Variants in NDUFAF6 observed in about 807,000 individuals in gnomAD.
NDUFAF6 encodes NADH:ubiquinone oxidoreductase complex assembly factor 6.
NDUFAF6 carries 45 observed loss-of-function variants against 40.8 expected under a neutral mutation model. The ratio of observed to expected loss-of-function variants is 1.10; its 90% confidence interval spans 0.87 to 1.42. The LOEUF (loss-of-function observed/expected upper bound fraction) is 1.42, where lower values mean the gene tolerates loss of function less well. Ranked by LOEUF, NDUFAF6 falls within the 40% of genes most tolerant of loss-of-function variation. The pLI is 0.00. For missense variants in NDUFAF6, 435 were observed against 418.5 expected (o/e 1.04, Z -0.34); for synonymous variants, 185 against 155.9 (o/e 1.19, Z -1.39).
chr8:95,008,854 C>T (rs778354528), intron 2 of NDUFAF6, among the ~76,000 whole-genome samples: 1 of 152,116 alleles, frequency 6.6e-6, no homozygotes, highest in African/African-American at 2.4e-5. Flanking sequence ...TTTTCACTGA[C>T]GTTCCATTTC....
At chr8:95,029,824 A>G (rs1400820539) in intron 1 of NDUFAF6, among the ~76,000 whole-genome samples, 1 of 152,234 alleles carries the variant, frequency 6.6e-6, no homozygotes, top group Non-Finnish European at 1.5e-5. Context: ...CAGGCAGCAC[A>G]TGACATTGAT....
rs1231543138 is a variant in NDUFAF6, at chr8:94,924,048, T to C, written c.-935-21435T>C. On this transcript the variant is annotated intron_variant, in intron 1 of 14. Transcript: ENST00000396113. The stretch of plus-strand genomic sequence containing the variant: ...AATCAAATCAAGCAGTTCATAAAGC[T>C]CTTCCTCAGTTTTGTTTTGTTTTGT... 4.6e-4 allele frequency among the ~76,000 whole-genome samples: 69 copies of C among 151,532 alleles called. 2 individuals carry two copies. Among genetic ancestry groups the C allele is most frequent in the Admixed American group, 4.5e-3 (68 of 15,210 alleles).
intron 4 of NDUFAF6, among the ~76,000 whole-genome samples, chr8:95,111,578 T>C (rs962618419): frequency 6.6e-6 from 1 of 152,118 alleles, no homozygotes; most frequent in Non-Finnish European, 1.5e-5. Flanking sequence ...CTCGTGTAGG[T>C]AGTGCCTTGG....
intron 4 of NDUFAF6, among the ~76,000 whole-genome samples, chr8:95,109,167 G>T (rs1262368642): frequency 2.0e-5 from 3 of 152,160 alleles, no homozygotes; most frequent in African/African-American, 7.2e-5. Flanking sequence ...TCCCCCCAAA[G>T]CTTCTCAGCT....
intron 4 of NDUFAF6, among the ~76,000 whole-genome samples, chr8:95,042,377 T>G (rs1830242558): frequency 6.6e-6 from 1 of 152,222 alleles, no homozygotes; most frequent in South Asian, 2.1e-4. Context: ...AACTATAGGC[T>G]GTAGCAATAA....
chr8:94,997,337 C>CAG (rs1408103848), intron 2 of NDUFAF6, among the ~76,000 whole-genome samples: 105 of 134,622 alleles, frequency 7.8e-4, no homozygotes, highest in African/African-American at 2.8e-3. Context: ...CACACACACA[C>CAG]ACACACAGAG....
intron 2 of NDUFAF6, among the ~76,000 whole-genome samples, chr8:94,994,124 G>A (rs1826312706): frequency 6.6e-6 from 1 of 152,132 alleles, no homozygotes; most frequent in African/African-American, 2.4e-5. Context: ...GGAAGAATAT[G>A]TTTCCCTGCC....
chr8:94,962,560 T>C (rs1823661984), intron 1 of NDUFAF6, among the ~76,000 whole-genome samples: 1 of 152,150 alleles, frequency 6.6e-6, no homozygotes, highest in Non-Finnish European at 1.5e-5. Context: ...CCCAAAGTGC[T>C]GGGATTACAA....
intron 1 of NDUFAF6, among the ~76,000 whole-genome samples, chr8:94,941,797 A>G (rs1821560384): frequency 6.6e-6 from 1 of 152,196 alleles, no homozygotes; most frequent in Non-Finnish European, 1.5e-5. Context: ...TCAGCTGGCA[A>G]CAGCTCCTAC....
At chr8:95,016,081 C>T (rs1419484042) in intron 2 of NDUFAF6, among the ~76,000 whole-genome samples, 1 of 152,170 alleles carries the variant, frequency 6.6e-6, no homozygotes, top group African/African-American at 2.4e-5. Context: ...TCATACACAT[C>T]CTCTTTTCAT....
At position 95,025,034 on chromosome 8, in the gene NDUFAF6, T is replaced by C. The variant is rs753296276; in HGVS notation, c.26T>C (p.Val9Ala). MAASAHGS[V>A]WGPLRLGIPG... ...ATGGCGGCCTCCGCGCACGGCTCTG[T>C]CTGGGGGCCGTTGCGGCTTGGCATC... Residue 9 changes from valine (V) to alanine (A), a missense_variant, in exon 1 of 9, where the codon GTC becomes GCC. Coordinates refer to ENST00000396124, the MANE Select transcript of NDUFAF6 (RefSeq NM_152416.4). The C allele has an allele frequency of 1.4e-6, 2 of 1,410,944 alleles. No homozygotes were observed. 87.4% of individuals were successfully genotyped at this position (1,410,944 alleles called of 1,614,324 possible).
At chr8:95,082,214 T>G (rs71504378) in intron 2 of NDUFAF6, among the ~76,000 whole-genome samples, 17,873 of 148,738 alleles carry the variant, frequency 0.12, 1,265 homozygotes, top group Middle Eastern at 0.2. Flanking sequence ...CGGTGGCTTA[T>G]GCCTGTAATC....
downstream of NDUFAF6, among the ~76,000 whole-genome samples, chr8:95,105,640 T>C (rs574585478): frequency 1.1e-4 from 17 of 152,250 alleles, no homozygotes; most frequent in Middle Eastern, 0.01. Flanking sequence ...TACCTGGGAT[T>C]ACAGACATGC....
At chr8:95,062,149 C>G (rs982651807), downstream of NDUFAF6, among the ~76,000 whole-genome samples, 12 of 147,412 alleles carry the variant, frequency 8.1e-5, no homozygotes, top group Admixed American at 4.7e-4. Context: ...CGACAGAGAC[C>G]GTGGCTCAAA....
chr8:94,909,380 A>AAAAAAAAC (rs1818606096), intron 1 of NDUFAF6, among the ~76,000 whole-genome samples: 2 of 57,728 alleles, frequency 3.5e-5, no homozygotes, highest in African/African-American at 1.1e-4. Context: ...AAAAAAAAAA[A>AAAAAAAAC]AACACTTCGG....
chr8:94,947,719 G>A (rs1822145695), intron 2 of NDUFAF6, among the ~76,000 whole-genome samples: 1 of 152,224 alleles, frequency 6.6e-6, no homozygotes, highest in Non-Finnish European at 1.5e-5. Context: ...AAAGACAAGA[G>A]TAAGTGGTAA....
Position 95,058,529 on chromosome 8 carries a change from C to T in NDUFAF6, c.*592C>T. 1.6e-6 allele frequency: 2 copies of T among 1,223,346 alleles called. No homozygotes were observed. The highest frequency in any genetic ancestry group is 2.0e-6 in the Non-Finnish European group (2 of 983,254). 75.8% of individuals were successfully genotyped at this position (1,223,346 alleles called of 1,614,324 possible). On this transcript the variant is annotated 3_prime_UTR_variant, in exon 9 of 9. Transcript: ENST00000396124. Reference sequence around the variant, plus strand: ...TTAAGGTTGGAGTGGCTGGCAAGAGCAGAGCCTTAATTTGACTTTAGCTCT... The same window carrying T: ...TTAAGGTTGGAGTGGCTGGCAAGAGTAGAGCCTTAATTTGACTTTAGCTCT...
chr8:94,968,718 C>T (rs558412659), intron 1 of NDUFAF6, among the ~76,000 whole-genome samples: 180 of 152,252 alleles, frequency 1.2e-3, no homozygotes, highest in Non-Finnish European at 2.1e-3. Context: ...TAAAAATCTA[C>T]GATGTGGGCA....
chr8:95,108,973 T>G (rs951868795), intron 4 of NDUFAF6, among the ~76,000 whole-genome samples: 1 of 152,238 alleles, frequency 6.6e-6, no homozygotes, highest in African/African-American at 2.4e-5. Context: ...TAGCAACATT[T>G]TAATCATTGA....
Sources: allele counts gnomAD v4.1 joint callset (sites outside exome capture counted in the v4.1 genomes callset), GRCh38; gene constraint gnomAD v4.1.1; transcripts MANE v1.5; gene names NCBI Gene and HGNC (gene_info 2026-07-23, HGNC 2026-07-21).